The following SCN11A variants were observed in gnomAD, a reference collection of about 807,000 sequenced individuals.
The protein encoded by SCN11A is sodium channel protein type 11 subunit alpha.
In SCN11A, 122 loss-of-function variants were observed where a neutral mutation model predicts 162.2. The ratio of observed to expected loss-of-function variants is 0.75; its 90% confidence interval spans 0.65 to 0.87. The LOEUF (loss-of-function observed/expected upper bound fraction) is 0.87. Among genes scored for constraint, SCN11A ranks in the 40% least tolerant of loss-of-function variants. The pLI, the probability that SCN11A is intolerant of heterozygous loss-of-function variation, is 0.00. For missense variants in SCN11A, 2,015 were observed against 2,181.6 expected (o/e 0.92, Z 1.52); for synonymous variants, 758 against 751.5 (o/e 1.01, Z -0.14).
intron 2 of SCN11A, among the ~76,000 whole-genome samples, chr3:38,982,333 C>G (rs1261528820): frequency 6.6e-6 from 1 of 152,204 alleles, no homozygotes; most frequent in East Asian, 1.9e-4. Flanking sequence ...GTGTAAAGCG[C>G]ATTTGTTTCC....
At chr3:38,909,965 G>T in intron 12 of SCN11A, 101 bp downstream of exon 12, 1 of 1,096,174 alleles carries the variant, frequency 9.1e-7, no homozygotes, top group Non-Finnish European at 1.3e-6. Context: ...GGGATGAATG[G>T]TAGTTATAAA....
intron 2 of SCN11A, among the ~76,000 whole-genome samples, chr3:39,018,188 T>A (rs2125605687): frequency 6.6e-6 from 1 of 152,346 alleles, no homozygotes; most frequent in South Asian, 2.1e-4. Context: ...ACTTCTAATC[T>A]TTTTAGAAAC....
intron 7 of SCN11A, among the ~76,000 whole-genome samples, chr3:38,938,542 ATATATATATTTTTTTTTTTTTTTTTTTTT>A (rs1191980031): frequency 2.6e-4 from 6 of 23,170 alleles, no homozygotes; most frequent in African/African-American, 1.3e-3. Flanking sequence ...ATATATATAT[ATATATATATTTTTTTTTTTTTTTTTTTTT>A]TTTTTTTTTT....
At chr3:38,854,994 G>T (rs1419883371) in intron 28 of SCN11A, among the ~76,000 whole-genome samples, 1 of 152,234 alleles carries the variant, frequency 6.6e-6, no homozygotes, top group Non-Finnish European at 1.5e-5. Context: ...AAACTTCCTT[G>T]AGCAGAATCC....
intron 28 of SCN11A, among the ~76,000 whole-genome samples, chr3:38,852,682 G>A (rs2064802373): frequency 6.6e-6 from 1 of 152,132 alleles, no homozygotes. Flanking sequence ...AAACAGCTAT[G>A]TTTTCCACCT....
intron 2 of SCN11A, among the ~76,000 whole-genome samples, chr3:38,978,153 G>T (rs1332503910): frequency 1.3e-5 from 2 of 152,154 alleles, no homozygotes; most frequent in African/African-American, 4.8e-5. Context: ...GAGAGGCCAG[G>T]ATCCATGACC....
Position 38,950,081 on chromosome 3 carries a change from C to CCCCCCCCCCCCCCCA in SCN11A, c.267+14_267+15insTGGGGGGGGGGGGGG. On this transcript the variant is annotated intron_variant, in intron 5 of 29. Coordinates refer to ENST00000302328, the MANE Select transcript of SCN11A (RefSeq NM_001349253.2). ...CACCCCCACCCCCACCCCCCCCCCC[C>CCCCCCCCCCCCCCCA]GCCCAATGAAGTACCTTATGATTTC... The CCCCCCCCCCCCCCCA allele has an allele frequency of 4.7e-6, 1 of 214,666 alleles. No individual in the cohort carries two copies. Among genetic ancestry groups the CCCCCCCCCCCCCCCA allele is most frequent in the Non-Finnish European group, 1.0e-5 (1 of 99,690 alleles). The allele number at this position is 214,666 out of a possible 1,614,324, so 13.3% of individuals were successfully genotyped here. A position where few individuals can be genotyped will look rare whatever the true frequency, so the allele number is the denominator to read the frequency against.
intron 3 of SCN11A, among the ~76,000 whole-genome samples, chr3:38,958,641 G>A (rs961937824): frequency 2.6e-5 from 4 of 152,170 alleles, no homozygotes; most frequent in Non-Finnish European, 5.9e-5. Context: ...TAACATTTTA[G>A]TGTATCTCTT....
In SCN11A at chr3:38,907,310, ATGTGTGTGTGTGTG is replaced by A. The variant is rs141158768; in HGVS notation, c.1473+625_1473+638del. Among the ~76,000 whole-genome samples, 196 of 119,134 alleles carry A rather than the reference ATGTGTGTGTGTGTG, an allele frequency of 1.6e-3. 2 individuals are homozygous for A. The highest frequency in any genetic ancestry group is 0.012 in the East Asian group (46 of 3,952). 78.2% of individuals were successfully genotyped at this position (119,134 alleles called of 152,430 possible). ...AGTTGGTATATATATACCAACATAT[ATGTGTGTGTGTGTG>A]TGTGTGTGTGTGTGTGTGTATATAT... On this transcript the variant is annotated intron_variant, in intron 14 of 29. Transcript: ENST00000302328.
Position 38,952,679 on chromosome 3 carries a change from C to A in SCN11A, c.-8+950G>T, listed in dbSNP as rs184866459. On this transcript the variant is annotated intron_variant, in intron 4 of 29. Coordinates refer to ENST00000302328, the MANE Select transcript of SCN11A (RefSeq NM_001349253.2). Reference sequence around the variant, plus strand: ...GATAGGTGTCTCATCATAGGATAGGCGTCTCAACAGGGAATCAGGGACTGT... The same window carrying A: ...GATAGGTGTCTCATCATAGGATAGGAGTCTCAACAGGGAATCAGGGACTGT... 1.7e-4 allele frequency among the ~76,000 whole-genome samples: 26 copies of A among 152,326 alleles called. No individual in the cohort carries two copies. In the South Asian group the frequency reaches 3.9e-3, roughly 23 times the overall value.
intron 2 of SCN11A, among the ~76,000 whole-genome samples, chr3:38,999,469 A>G (rs1047035157): frequency 1.3e-5 from 2 of 152,150 alleles, no homozygotes; most frequent in Non-Finnish European, 1.5e-5. Context: ...AACCCTTTGA[A>G]TTTCTAATTA....
chr3:38,950,081 C>CCCCCCACCA lies in SCN11A; in HGVS notation c.267+14_267+15insTGGTGGGGG. 1 of 214,666 alleles carries CCCCCCACCA rather than the reference C, an allele frequency of 4.7e-6. No individual in the cohort carries two copies. Among genetic ancestry groups the CCCCCCACCA allele is most frequent in the Non-Finnish European group, 1.0e-5 (1 of 99,690 alleles). 13.3% of individuals were successfully genotyped at this position (214,666 alleles called of 1,614,324 possible). ...CACCCCCACCCCCACCCCCCCCCCC[C>CCCCCCACCA]GCCCAATGAAGTACCTTATGATTTC... On this transcript the variant is annotated intron_variant, in intron 5 of 29. Transcript: ENST00000302328.
intron 2 of SCN11A, among the ~76,000 whole-genome samples, chr3:39,021,452 G>A (rs1222545176): frequency 6.6e-6 from 1 of 152,166 alleles, no homozygotes; most frequent in Non-Finnish European, 1.5e-5. Context: ...TTTATAGAGA[G>A]GAGTAAACAA....
At chr3:38,943,709 A>C (rs539962927) in intron 7 of SCN11A, among the ~76,000 whole-genome samples, 2 of 152,234 alleles carry the variant, frequency 1.3e-5, no homozygotes, top group Non-Finnish European at 2.9e-5. Context: ...AAAACATTAA[A>C]AGAGTCTAAA....
At chr3:38,971,876 T>C (rs1209750440) in intron 2 of SCN11A, among the ~76,000 whole-genome samples, 1 of 152,138 alleles carries the variant, frequency 6.6e-6, no homozygotes, top group African/African-American at 2.4e-5. Flanking sequence ...CAAAAGATGT[T>C]GGATGGGAGA....
intron 2 of SCN11A, among the ~76,000 whole-genome samples, chr3:39,024,937 T>A (rs1188556963): frequency 6.6e-6 from 1 of 152,252 alleles, no homozygotes; most frequent in Non-Finnish European, 1.5e-5. Context: ...GGCTCCTGTA[T>A]ATACACATTA....
At chr3:38,959,053 C>T (rs530763094) in intron 3 of SCN11A, among the ~76,000 whole-genome samples, 22 of 152,134 alleles carry the variant, frequency 1.4e-4, no homozygotes, top group African/African-American at 4.3e-4. Context: ...TAAGGGAAAT[C>T]GCAAGATGTT....
chr3:38,908,133 A>G lies in SCN11A; in HGVS notation c.1300-11T>C. 1 of 1,606,410 alleles carries G rather than the reference A, an allele frequency of 6.2e-7. No homozygotes were observed. The highest frequency in any genetic ancestry group is 8.5e-7 in the Non-Finnish European group (1 of 1,178,294). On this transcript the variant is annotated splice_polypyrimidine_tract_variant and intron_variant, in intron 13 of 29. Transcript: ENST00000302328. ...CATGGCAACCAGAGCCTTCAAATTG[A>G]ACAAAAGCAATTAAAGAACAGATTA... is the stretch of plus-strand genomic sequence containing the variant.
chr3:39,032,640 C>T (rs552657217), intron 1 of SCN11A, among the ~76,000 whole-genome samples, 137 bp from the exon 2 acceptor site: 1 of 152,096 alleles, frequency 6.6e-6, no homozygotes, highest in African/African-American at 2.4e-5. Flanking sequence ...AGTGATAGAG[C>T]CTGTATTACA....
Sources: gnomAD v4.1 joint callset for allele counts (sites outside exome capture counted in the v4.1 genomes callset) on GRCh38, gnomAD v4.1.1 for gene constraint, MANE v1.5 for transcripts, NCBI Gene and HGNC (gene_info 2026-07-23, HGNC 2026-07-21) for gene names.